The following IFITM10 variants were observed in gnomAD, a reference collection of about 807,000 sequenced individuals.
IFITM10 encodes the protein interferon-induced transmembrane protein 10.
IFITM10 carries 17 observed loss-of-function variants against 19.0 expected under a neutral mutation model. That is an observed-to-expected ratio of 0.90 (90% CI 0.61 to 1.34). The LOEUF (loss-of-function observed/expected upper bound fraction) is 1.34, where lower values mean the gene tolerates loss of function less well. IFITM10 is among the 40% of genes most tolerant of loss of function. IFITM10 has a pLI of 0.00. For synonymous variants in IFITM10, 148 were observed against 147.2 expected (o/e 1.01, Z -0.04); for missense variants, 306 against 319.8 (o/e 0.96, Z 0.33).
intron 2 of IFITM10, among the ~76,000 whole-genome samples, chr11:1,742,920 AGATG>A (rs1845586450): frequency 6.7e-6 from 1 of 148,738 alleles, no homozygotes; most frequent in Admixed American, 6.6e-5. Context: ...GAGGATGGAT[AGATG>A]GATGGAGGAT....
intron 1 of IFITM10, chr11:1,748,477 A>C: frequency 8.9e-6 from 2 of 225,446 alleles, no homozygotes; most frequent in Non-Finnish European, 8.7e-6. Flanking sequence ...CCCCGCACAC[A>C]CGGGGCGCCG....
Position 1,735,164 on chromosome 11 carries a change from G to C in IFITM10, c.*116C>G, listed in dbSNP as rs1382960927. On this transcript the variant is annotated 3_prime_UTR_variant, in exon 3 of 3. Transcript: ENST00000340134. ...GCTGCCCAGTTCACAGCTCAAGGGGGCCCCAGGACAAGAAGCCCTGCCCTG... is the reference window on the plus strand; with the variant it reads ...GCTGCCCAGTTCACAGCTCAAGGGGCCCCCAGGACAAGAAGCCCTGCCCTG... The C allele has an allele frequency of 4.2e-5, 49 of 1,164,174 alleles. No individual in the cohort carries two copies. The East Asian group carries it at 1.2e-3, about 28-fold the overall frequency. The allele number at this position is 1,164,174 out of a possible 1,614,324, so 72.1% of individuals were successfully genotyped here.
rs537199128 is a variant in IFITM10 at position 1,750,497 on chromosome 11, C to A, written c.-55G>T. The A allele has an allele frequency of 2.6e-5, 41 of 1,547,712 alleles. No individual in the cohort carries two copies. The East Asian group carries it at 6.4e-4, about 24-fold the overall frequency. On this transcript the variant is annotated 5_prime_UTR_variant, in exon 1 of 3. Transcript: ENST00000340134. ...CTCCTTTCTCCTCTGCCACTCTCAA[C>A]TGGCCTCCTGTGTCTCCGCAACCCT...
chr11:1,745,835 T>G (rs1028286668), intron 2 of IFITM10: 1 of 148,624 alleles, frequency 6.7e-6, no homozygotes, highest in Non-Finnish European at 1.5e-5. Flanking sequence ...CACACACCCG[T>G]GCACACACAT....
intron 2 of IFITM10, chr11:1,744,767 T>C (rs577407920): frequency 6.6e-6 from 1 of 152,576 alleles, no homozygotes; most frequent in East Asian, 1.9e-4. Context: ...AATGTTGTTT[T>C]GTTTCTATTT....
rs200041407 is a variant in IFITM10, at chr11:1,750,400, G to A, written c.43C>T (p.Arg15Trp). Residue 15 changes from arginine to tryptophan, a missense_variant, in exon 1 of 3, where the codon CGG (arginine) becomes TGG (tryptophan). Arg to Trp is a moderately radical substitution (Grantham distance 101, BLOSUM62 -3). Coordinates refer to ENST00000340134, the MANE Select transcript of IFITM10 (RefSeq NM_001170820.4). The stretch of plus-strand genomic sequence containing the variant: ...GCCTCGACCCTCTCCAAAGTCCCCC[G>A]GAAGCTGAGGATGCATGGCGGCCCC... ...KRGPPCILSF[R>W]GTLERVEAQW... 4.9e-4 allele frequency: 756 copies of A among 1,550,334 alleles called. 1 individual carries two copies. Among genetic ancestry groups the A allele is most frequent in the Non-Finnish European group, 6.1e-4 (705 of 1,146,938 alleles).
rs376287274 is a variant in IFITM10 at position 1,745,659 on chromosome 11, C to G, written c.537+2008G>C. Reference sequence around the variant, plus strand: ...ACTTGTGCACACACATTTACATGAACCACACACGTGTGATTACACACATGC... The same window carrying G: ...ACTTGTGCACACACATTTACATGAAGCACACACGTGTGATTACACACATGC... On this transcript the variant is annotated intron_variant, in intron 2 of 2. Transcript: ENST00000340134. 2.6e-5 allele frequency: 4 copies of G among 152,528 alleles called. No homozygotes were observed. The East Asian group carries it at 5.8e-4, about 22-fold the overall frequency. The allele number at this position is 152,528 out of a possible 1,614,324, so 9.4% of individuals were successfully genotyped here. A position where few individuals can be genotyped will look rare whatever the true frequency, so the allele number is the denominator to read the frequency against.
chr11:1,736,158 G>A (rs572948303), intron 2 of IFITM10, among the ~76,000 whole-genome samples: 1 of 152,342 alleles, frequency 6.6e-6, no homozygotes, highest in Non-Finnish European at 1.5e-5. Flanking sequence ...GTTCTAGGAT[G>A]AGGAAGGGAA....
In IFITM10 at chr11:1,735,278, C is replaced by T; in HGVS notation, c.*2G>A. On this transcript the variant is annotated 3_prime_UTR_variant, in exon 3 of 3. Transcript: ENST00000340134. ...TCCGCCAGCAGCCGTGCCTGGCGGG[C>T]CTTAGTAGTCGGTGAGGGGGTACCG... The T allele has an allele frequency of 6.4e-7, 1 of 1,551,594 alleles. No individual in the cohort carries two copies. Among genetic ancestry groups the T allele is most frequent in the Non-Finnish European group, 8.7e-7 (1 of 1,146,922 alleles).
Position 1,747,993 on chromosome 11 carries a change from T to A in IFITM10, c.211A>T (p.Lys71Ter). The A allele has an allele frequency of 4.8e-6, 7 of 1,444,346 alleles. No homozygotes were observed. The highest frequency in any genetic ancestry group is 6.4e-6 in the Non-Finnish European group (7 of 1,100,132). The allele number at this position is 1,444,346 out of a possible 1,614,324, so 89.5% of individuals were successfully genotyped here. Residue 71 changes from lysine (K) to a stop codon, truncating the protein, a stop_gained, in exon 2 of 3, where the codon AAG (lysine) becomes TAG (stop). Coordinates refer to ENST00000340134, the MANE Select transcript of IFITM10 (RefSeq NM_001170820.4). LOFTEE classifies it high-confidence loss of function. ...TTGGACACGCAAGCGAAGCAGCCCT[T>A]GGGCGAACCTGCCGGGGGCCTCGGA... is the stretch of plus-strand genomic sequence containing the variant. Reference protein sequence around the residue: ...WIPRPPAGSPKGCFACVSKPP... With the variant: ...WIPRPPAGSP
intron 2 of IFITM10, among the ~76,000 whole-genome samples, chr11:1,741,035 C>A (rs1309802263): frequency 6.6e-6 from 1 of 152,042 alleles, no homozygotes; most frequent in Non-Finnish European, 1.5e-5. Flanking sequence ...CTGAGGCTTC[C>A]CCAGAAGCAG....
chr11:1,747,840 G>T lies in IFITM10; in HGVS notation c.364C>A (p.Pro122Thr). ...KTDSVRAAGAPPACKHLAEKK... is the reference protein window; with the variant it reads ...KTDSVRAAGATPACKHLAEKK... ...TCGGCTAGGTGCTTGCAGGCAGGGG[G>T]CGCGCCGGCAGCCCGCACGCTGTCG... is the stretch of plus-strand genomic sequence containing the variant. Residue 122 changes from proline to threonine, a missense_variant, in exon 2 of 3, where the codon CCC becomes ACC. Physicochemically the swap from Pro to Thr is conservative, Grantham distance 38 (BLOSUM62 -1). Transcript: ENST00000340134. The T allele has an allele frequency of 6.5e-7, 1 of 1,546,386 alleles. No individual in the cohort carries two copies. Among genetic ancestry groups the T allele is most frequent in the Non-Finnish European group, 8.7e-7 (1 of 1,143,734 alleles).
rs1845705287 is a variant in IFITM10, at chr11:1,750,499, G to A, written c.-57C>T. On this transcript the variant is annotated 5_prime_UTR_variant, in exon 1 of 3. Coordinates refer to ENST00000340134, the MANE Select transcript of IFITM10 (RefSeq NM_001170820.4). ...CCTTTCTCCTCTGCCACTCTCAACT[G>A]GCCTCCTGTGTCTCCGCAACCCTCT... 3 of 1,546,944 alleles carry A rather than the reference G, an allele frequency of 1.9e-6. No individual in the cohort carries two copies. Among genetic ancestry groups the A allele is most frequent in the Admixed American group, 2.0e-5 (1 of 50,856 alleles).
intron 1 of IFITM10, chr11:1,749,156 G>A (rs1335793167): frequency 3.5e-5 from 33 of 949,602 alleles, no homozygotes; most frequent in Non-Finnish European, 4.1e-5. Flanking sequence ...CGCGGGGCTC[G>A]GCGGCGGCGC....
At position 1,747,741 on chromosome 11, in the gene IFITM10, G is replaced by A; in HGVS notation, c.463C>T (p.Leu155=). ...PDTTEVNDYY[L]WSIFNFVYLN... ...TAGACGAAGTTGAAGATGGACCACA[G>A]GTAATAGTCGTTCACCTCGGTGGTG... Residue 155 remains leucine, a synonymous_variant, in exon 2 of 3, where the codon CTG becomes TTG. Coordinates refer to ENST00000340134, the MANE Select transcript of IFITM10 (RefSeq NM_001170820.4). 1 of 1,551,848 alleles carries A rather than the reference G, an allele frequency of 6.4e-7. No homozygotes were observed.
At chr11:1,748,678 C>T (rs1346059048) in intron 1 of IFITM10, 1 of 152,314 alleles carries the variant, frequency 6.6e-6, no homozygotes, top group South Asian at 2.1e-4. Context: ...GACGAGTAAA[C>T]AACTCCCCAC....
chr11:1,744,461 C>T (rs760670997), intron 2 of IFITM10: 1 of 152,844 alleles, frequency 6.5e-6, no homozygotes, highest in Non-Finnish European at 1.5e-5. Context: ...GACGTTTGGC[C>T]ATCATCCAGC....
intron 1 of IFITM10, chr11:1,749,099 C>G (rs1181511756): frequency 8.9e-7 from 1 of 1,127,672 alleles, no homozygotes; most frequent in Admixed American, 3.6e-5. Context: ...CGCTGTCTGT[C>G]CACTGATCCG....
intron 2 of IFITM10, among the ~76,000 whole-genome samples, chr11:1,738,191 G>T (rs1349140306): frequency 2.0e-5 from 3 of 152,172 alleles, no homozygotes; most frequent in East Asian, 3.8e-4. Context: ...TACGTTGGAT[G>T]AGTGGGACAG....
Sources: gnomAD v4.1 joint callset for allele counts (sites outside exome capture counted in the v4.1 genomes callset) on GRCh38, gnomAD v4.1.1 for gene constraint, MANE v1.5 for transcripts, NCBI Gene and HGNC (gene_info 2026-07-23, HGNC 2026-07-21) for gene names.